The following FXYD3 variants were observed in gnomAD, a reference collection of about 807,000 sequenced individuals.
The protein encoded by FXYD3 is FXYD domain containing ion transport regulator 3, also known as FXYD domain-containing ion transport regulator 3.
A neutral mutation model predicts 19.2 loss-of-function variants in FXYD3; 13 were observed. That is an observed-to-expected ratio of 0.68 (90% CI 0.44 to 1.08). The LOEUF (loss-of-function observed/expected upper bound fraction) is 1.08. Among genes scored for constraint, FXYD3 ranks in the 50% least tolerant of loss-of-function variants. The pLI, the probability that FXYD3 is intolerant of heterozygous loss-of-function variation, is 0.00. For synonymous variants in FXYD3, 48 were observed against 38.9 expected (o/e 1.23, Z -0.87); for missense variants, 101 against 109.4 (o/e 0.92, Z 0.34).
intron 3 of FXYD3, among the ~76,000 whole-genome samples, chr19:35,120,440 C>T (rs548759222): frequency 1.3e-4 from 20 of 152,216 alleles, no homozygotes; most frequent in Non-Finnish European, 2.5e-4. Context: ...GTGCCCAGCC[C>T]GCTTTTTACT....
chr19:35,117,198 G>C, intron 2 of FXYD3: 1 of 1,418,782 alleles, frequency 7.0e-7, no homozygotes, highest in Non-Finnish European at 9.2e-7. Flanking sequence ...CGTGAGGGCA[G>C]ACCCAGCTCC....
In FXYD3 at chr19:35,117,757, C is replaced by CAAAAAAAAAAAA. The variant is rs67977522; in HGVS notation, c.-15+1405_-15+1406insAAAAAAAAAAAA. ...CCCAAAGCCTCAGGCTTTCTTCCCG[C>CAAAAAAAAAAAA]AAAAAAAGGAAAAGAAATGGATGCT... On this transcript the variant is annotated intron_variant, in intron 2 of 8. Transcript: ENST00000604404. Among the ~76,000 whole-genome samples, 19 of 65,722 alleles carry CAAAAAAAAAAAA rather than the reference C, an allele frequency of 2.9e-4. 1 individual carries two copies. Among genetic ancestry groups the CAAAAAAAAAAAA allele is most frequent in the Middle Eastern group, 0.01 (1 of 100 alleles). 43.1% of individuals were successfully genotyped at this position (65,722 alleles called of 152,430 possible). A position where few individuals can be genotyped will look rare whatever the true frequency, so the allele number is the denominator to read the frequency against.
chr19:35,123,024 C>T (rs1349468520), intron 7 of FXYD3, 70 bp downstream of exon 7: 1 of 1,512,044 alleles, frequency 6.6e-7, no homozygotes, highest in Non-Finnish European at 8.8e-7. Flanking sequence ...GGCTAACTCT[C>T]CCAGCAGGAG....
At chr19:35,118,414 C>A in intron 2 of FXYD3, 1 of 872,622 alleles carries the variant, frequency 1.1e-6, no homozygotes, top group Non-Finnish European at 1.4e-6. Context: ...TGGGCAGGGA[C>A]AGGGCAGGGA....
chr19:35,121,458 C>T, intron 5 of FXYD3: 4 of 1,476,276 alleles, frequency 2.7e-6, no homozygotes, highest in Non-Finnish European at 2.7e-6. Context: ...AAGATAGACA[C>T]ACGCAGGAGG....
In FXYD3 at chr19:35,116,704, T is replaced by C. The variant is rs188749110; in HGVS notation, c.-15+345T>C. On this transcript the variant is annotated intron_variant, in intron 2 of 8. Coordinates refer to ENST00000604404, the MANE Select transcript of FXYD3 (RefSeq NM_005971.4). ...GGGTGCCTGGGTAGGTAGGGGTATC[T>C]AAGTGGACCAGGGGTGCGTAGATGG... The C allele has an allele frequency of 6.1e-6, 6 of 984,948 alleles. No homozygotes were observed. The East Asian group carries it at 5.7e-4, about 93-fold the overall frequency. 61.0% of individuals were successfully genotyped at this position (984,948 alleles called of 1,614,324 possible).
chr19:35,122,023 T>C (rs571788216), intron 5 of FXYD3, among the ~76,000 whole-genome samples: 48 of 148,358 alleles, frequency 3.2e-4, no homozygotes, highest in African/African-American at 1.2e-3. Context: ...TAGAGATGGG[T>C]TCTCACTATG....
chr19:35,120,964 C>T, intron 3 of FXYD3, 114 bp from the exon 4 acceptor site: 1 of 1,101,862 alleles, frequency 9.1e-7, no homozygotes, highest in Non-Finnish European at 1.3e-6. Flanking sequence ...GTGACAGGAC[C>T]CCTGTCCCGC....
At chr19:35,117,853 C>CA (rs11419732) in intron 2 of FXYD3, among the ~76,000 whole-genome samples, 14 of 151,584 alleles carry the variant, frequency 9.2e-5, no homozygotes, top group Admixed American at 3.9e-4. Context: ...CCCTGGGGTG[C>CA]CAGGCAGAGG....
At chr19:35,117,850 G>A (rs2064934284) in intron 2 of FXYD3, among the ~76,000 whole-genome samples, 1 of 274 alleles carries the variant, frequency 3.6e-3, no homozygotes, top group Admixed American at 0.05. Context: ...AGGCCCTGGG[G>A]TGCCAGGCAG....
chr19:35,118,747 C>T, intron 2 of FXYD3: 1 of 273,568 alleles, frequency 3.7e-6, no homozygotes, highest in Non-Finnish European at 6.5e-6. Flanking sequence ...CCCCCTCTAC[C>T]CCCAGTCCCA....
chr19:35,116,143 C>T (rs2064880337), intron 1 of FXYD3, 121 bp from the exon 2 acceptor site: 1 of 756,768 alleles, frequency 1.3e-6, no homozygotes, highest in Non-Finnish European at 1.6e-6. Flanking sequence ...CTGCTGTGGT[C>T]CTGGTGACCC....
At chr19:35,117,490 G>A (rs1006902139) in intron 2 of FXYD3, 4 of 1,013,862 alleles carry the variant, frequency 3.9e-6, no homozygotes, top group Non-Finnish European at 4.0e-6. Context: ...GCATTAAGCT[G>A]CAGAGATTGA....
In FXYD3 at chr19:35,123,601, C is replaced by A; in HGVS notation, c.*144C>A. 1 of 790,348 alleles carries A rather than the reference C, an allele frequency of 1.3e-6. No homozygotes were observed. The highest frequency in any genetic ancestry group is 2.1e-6 in the Non-Finnish European group (1 of 480,218). 49.0% of individuals were successfully genotyped at this position (790,348 alleles called of 1,614,324 possible). On this transcript the variant is annotated 3_prime_UTR_variant, in exon 9 of 9. Coordinates refer to ENST00000604404, the MANE Select transcript of FXYD3 (RefSeq NM_005971.4). ...TGGCAGGGCCTCATCTCACCTCTCG[C>A]AAGAGGGTCTCTTTGTTCAATTTTT...
In FXYD3 at chr19:35,123,817, C is replaced by G. The variant is rs1339967069; in HGVS notation, c.*360C>G. On this transcript the variant is annotated 3_prime_UTR_variant, in exon 9 of 9. Transcript: ENST00000604404. The stretch of plus-strand genomic sequence containing the variant: ...TGTGGCTTGGGACATGGCACAGGCC[C>G]GCCCTCTGCCTCCTCAGCCATGGGA... 1 of 348,518 alleles carries G rather than the reference C, an allele frequency of 2.9e-6. No homozygotes were observed. Among genetic ancestry groups the G allele is most frequent in the South Asian group, 4.2e-5 (1 of 23,890 alleles). The allele number at this position is 348,518 out of a possible 1,614,324, so 21.6% of individuals were successfully genotyped here. A position where few individuals can be genotyped will look rare whatever the true frequency, so the allele number is the denominator to read the frequency against.
chr19:35,119,147 T>G, intron 2 of FXYD3: 1 of 1,536,150 alleles, frequency 6.5e-7, no homozygotes, highest in African/African-American at 1.4e-5. Flanking sequence ...CAGTGAGTTA[T>G]TATGGCTCCT....
intron 1 of FXYD3, 131 bp from the exon 2 acceptor site, chr19:35,116,133 C>A: frequency 1.7e-6 from 1 of 588,848 alleles, no homozygotes; most frequent in Non-Finnish European, 2.1e-6. Flanking sequence ...TCACCTGAGG[C>A]TGCTGTGGTC....
chr19:35,121,645 T>C (rs1672972), intron 5 of FXYD3: 255,149 of 721,594 alleles, frequency 0.35, 47,052 homozygotes, highest in South Asian at 0.55. Context: ...ACGCTCCTCA[T>C]TCCTTCTGCT....
chr19:35,116,095 C>T (rs1028885166), intron 1 of FXYD3, 136 bp downstream of exon 1: 2 of 288,624 alleles, frequency 6.9e-6, no homozygotes, highest in African/African-American at 2.3e-5. Flanking sequence ...TTCCAGGGGC[C>T]GAGTTCCAGC....
Sources: gnomAD v4.1 joint callset for allele counts (sites outside exome capture counted in the v4.1 genomes callset) on GRCh38, gnomAD v4.1.1 for gene constraint, MANE v1.5 for transcripts, NCBI Gene and HGNC (gene_info 2026-07-23, HGNC 2026-07-21) for gene names.